The following ROBO2 variants were observed in gnomAD, a reference collection of about 807,000 sequenced individuals.
ROBO2 encodes the protein roundabout homolog 2.
In ROBO2, 53 loss-of-function variants were observed where a neutral mutation model predicts 160.8. The ratio of observed to expected loss-of-function variants is 0.33; its 90% CI spans 0.26 to 0.41. The LOEUF (loss-of-function observed/expected upper bound fraction) is 0.41, where lower values mean the gene tolerates loss of function less well. Among genes scored for constraint, ROBO2 ranks in the 10% least tolerant of loss-of-function variants. The pLI is 1.00. For missense variants in ROBO2, 1,577 were observed against 1,722.4 expected (o/e 0.92, Z 1.49); for synonymous variants, 664 against 611.7 (o/e 1.09, Z -1.26).
chr3:75,929,338 A>G (rs563532027), intron 1 of ROBO2, among the ~76,000 whole-genome samples: 4 of 152,128 alleles, frequency 2.6e-5, no homozygotes, highest in South Asian at 2.1e-4. Context: ...AAATTTTTCT[A>G]TACTTTTGTG....
At chr3:75,966,108 T>C (rs1342294692) in intron 2 of ROBO2, among the ~76,000 whole-genome samples, 1 of 151,738 alleles carries the variant, frequency 6.6e-6, no homozygotes, top group Non-Finnish European at 1.5e-5. Flanking sequence ...AAGTCTTTAT[T>C]AATACGTCTA....
intron 2 of ROBO2, among the ~76,000 whole-genome samples, chr3:77,101,483 C>A (rs746502829): frequency 6.6e-6 from 1 of 152,154 alleles, no homozygotes; most frequent in Non-Finnish European, 1.5e-5. Flanking sequence ...GAAACAGCTT[C>A]TTCTAGAGTT....
chr3:77,007,912 T>G (rs1424740794), intron 2 of ROBO2, among the ~76,000 whole-genome samples: 3 of 152,080 alleles, frequency 2.0e-5, no homozygotes, highest in Non-Finnish European at 4.4e-5. Context: ...CAAAGAATTA[T>G]GTACAATATT....
intron 2 of ROBO2, among the ~76,000 whole-genome samples, chr3:76,792,168 A>G (rs538782584): frequency 6.6e-6 from 1 of 152,076 alleles, no homozygotes; most frequent in South Asian, 2.1e-4. Flanking sequence ...TAGCTGAATT[A>G]GAGCTAGCTT....
chr3:77,474,806 C>A (rs763680567), intron 2 of ROBO2, among the ~76,000 whole-genome samples: 1 of 152,056 alleles, frequency 6.6e-6, no homozygotes, highest in African/African-American at 2.4e-5. Context: ...TTGTTTTTAT[C>A]GGCTACGATA....
In ROBO2 at chr3:77,637,807, A is replaced by T. The variant is rs575735040; in HGVS notation, c.3934+2764A>T. ...TAAAATATAAATCAACAAAATACAG[A>T]TCTCTTTTTTTCTAAGACACTTTTA... is the stretch of plus-strand genomic sequence containing the variant. On this transcript the variant is annotated intron_variant, in intron 24 of 25. Transcript: ENST00000461745. 1.2e-4 allele frequency among the ~76,000 whole-genome samples: 19 copies of T among 152,300 alleles called. No individual in the cohort carries two copies. In the South Asian group the frequency reaches 1.9e-3, roughly 15 times the overall value.
At chr3:77,579,016 A>C (rs966712122) in intron 15 of ROBO2, among the ~76,000 whole-genome samples, 1 of 152,158 alleles carries the variant, frequency 6.6e-6, no homozygotes, top group Non-Finnish European at 1.5e-5. Context: ...ACCATATATC[A>C]ATAAAAGAAA....
chr3:77,275,829 T>C (rs2059791369), intron 2 of ROBO2, among the ~76,000 whole-genome samples: 1 of 152,112 alleles, frequency 6.6e-6, no homozygotes, highest in South Asian at 2.1e-4. Context: ...TATTTTCTCT[T>C]AATTTAGTTA....
At chr3:77,578,179 A>G (rs141291948) in intron 15 of ROBO2, among the ~76,000 whole-genome samples, 120 of 152,244 alleles carry the variant, frequency 7.9e-4, no homozygotes, top group South Asian at 3.9e-3. Context: ...TCATTTTTCA[A>G]CTGATGAATT....
intron 2 of ROBO2, among the ~76,000 whole-genome samples, chr3:77,443,116 G>A (rs2153555473): frequency 6.6e-6 from 1 of 152,140 alleles, no homozygotes; most frequent in South Asian, 2.1e-4. Flanking sequence ...GGATTTCATT[G>A]GATACAATGG....
intron 23 of ROBO2, chr3:77,632,302 T>A (rs2153713799): frequency 1.9e-6 from 1 of 529,004 alleles, no homozygotes; most frequent in African/African-American, 1.9e-5. Flanking sequence ...AGCTTCATTC[T>A]TCTGCACAAA....
chr3:76,136,356 C>CA (rs1313194175), intron 2 of ROBO2, among the ~76,000 whole-genome samples: 6 of 151,682 alleles, frequency 4.0e-5, no homozygotes, highest in Admixed American at 1.3e-4. Context: ...TTTTTATTGA[C>CA]AAAAAATGAC....
At chr3:76,951,890 T>C (rs560309573) in intron 2 of ROBO2, among the ~76,000 whole-genome samples, 1 of 152,372 alleles carries the variant, frequency 6.6e-6, no homozygotes, top group Non-Finnish European at 1.5e-5. Context: ...CATACAGCCA[T>C]TGATACTATG....
intron 2 of ROBO2, among the ~76,000 whole-genome samples, chr3:76,664,811 A>T (rs2091960867): frequency 6.6e-6 from 1 of 152,184 alleles, no homozygotes; most frequent in African/African-American, 2.4e-5. Flanking sequence ...AATATAATTA[A>T]AAGTGGTCAA....
chr3:76,069,943 T>A (rs960216394), intron 2 of ROBO2, among the ~76,000 whole-genome samples: 1 of 152,230 alleles, frequency 6.6e-6, no homozygotes, highest in Admixed American at 6.5e-5. Context: ...ACATAAGTTG[T>A]GAAGATTTCA....
At chr3:77,296,352 A>T (rs1413143049) in intron 2 of ROBO2, among the ~76,000 whole-genome samples, 1 of 152,162 alleles carries the variant, frequency 6.6e-6, no homozygotes, top group East Asian at 1.9e-4. Context: ...CCAGACATAA[A>T]GTAAAATTGA....
chr3:76,543,656 TA>T (rs1487665850), intron 2 of ROBO2, among the ~76,000 whole-genome samples: 2 of 152,110 alleles, frequency 1.3e-5, no homozygotes, highest in African/African-American at 2.4e-5. Flanking sequence ...TGTAAATGTC[TA>T]TTTCATAGGG....
intron 2 of ROBO2, among the ~76,000 whole-genome samples, chr3:77,438,837 G>A (rs1209820807): frequency 6.6e-6 from 1 of 151,976 alleles, no homozygotes; most frequent in Admixed American, 6.6e-5. Flanking sequence ...TTCTTTTGTG[G>A]ATGATGTGTT....
At chr3:76,721,729 TC>T (rs1399081411) in intron 2 of ROBO2, among the ~76,000 whole-genome samples, 2 of 152,246 alleles carry the variant, frequency 1.3e-5, no homozygotes, top group Admixed American at 1.3e-4. Flanking sequence ...ACCACACTAT[TC>T]TTTTTATTGT....
Sources: allele counts gnomAD v4.1 joint callset (sites outside exome capture counted in the v4.1 genomes callset), GRCh38; gene constraint gnomAD v4.1.1; transcripts MANE v1.5; gene names NCBI Gene and HGNC (gene_info 2026-07-23, HGNC 2026-07-21).